COLEC10: variants seen among roughly 807,000 people sequenced by gnomAD.
COLEC10 encodes the protein collectin subfamily member 10.
Under a neutral mutation model 28.4 loss-of-function variants are expected in COLEC10, and 22 were observed. That is an observed-to-expected ratio of 0.78 (90% CI 0.55 to 1.11). The LOEUF (loss-of-function observed/expected upper bound fraction) is 1.11, where lower values mean the gene tolerates loss of function less well. Ranked by LOEUF, COLEC10 falls within the 50% of genes least tolerant of loss-of-function variation. COLEC10 has a pLI of 0.00. For missense variants in COLEC10, 361 were observed against 344.1 expected, an observed-to-expected ratio of 1.05 and a Z score of -0.39; for synonymous variants, 125 against 116.1, an observed-to-expected ratio of 1.08 and a Z score of -0.49.
intron 2 of COLEC10, among the ~76,000 whole-genome samples, chr8:119,090,351 C>T (rs1432518013): frequency 6.6e-6 from 1 of 152,108 alleles, no homozygotes; most frequent in Non-Finnish European, 1.5e-5. Flanking sequence ...CAAAATATAA[C>T]TTCTAGGTTG....
chr8:119,079,555 C>G (rs896746563), intron 1 of COLEC10, among the ~76,000 whole-genome samples: 13 of 152,080 alleles, frequency 8.5e-5, no homozygotes, highest in African/African-American at 3.1e-4. Context: ...GGAAACCTGC[C>G]TAACAAAACT....
chr8:118,979,181 C>G, the COLEC10 span, among the ~76,000 whole-genome samples: 3 of 151,760 alleles, frequency 2.0e-5, no homozygotes, highest in African/African-American at 7.3e-5. Flanking sequence ...AAAGTAAGAT[C>G]ATTTGATATT....
the COLEC10 span, among the ~76,000 whole-genome samples, chr8:118,954,353 A>G: frequency 6.6e-6 from 1 of 152,306 alleles, no homozygotes; most frequent in South Asian, 2.1e-4. Flanking sequence ...TTCATCTGTT[A>G]TATTCTTGGA....
intron 2 of COLEC10, among the ~76,000 whole-genome samples, chr8:119,016,065 T>C (rs1266395022): frequency 6.6e-6 from 1 of 152,156 alleles, no homozygotes; most frequent in Non-Finnish European, 1.5e-5. Flanking sequence ...CTGGGATACA[T>C]GTGCAGAACA....
upstream of COLEC10, among the ~76,000 whole-genome samples, chr8:118,994,516 T>G (rs1284497583): frequency 6.6e-6 from 1 of 152,194 alleles, no homozygotes; most frequent in Non-Finnish European, 1.5e-5. Flanking sequence ...CGTGTATGTT[T>G]AATACTCACA....
rs1563747020 is a variant in COLEC10, at chr8:119,107,930, A to G, written c.*1739A>G. Among the ~76,000 whole-genome samples the G allele has an allele frequency of 6.6e-6, 1 of 152,192 alleles. No individual in the cohort carries two copies. Among genetic ancestry groups the G allele is most frequent in the Non-Finnish European group, 1.5e-5 (1 of 68,022 alleles). On this transcript the variant is annotated 3_prime_UTR_variant, in exon 6 of 6. Coordinates refer to ENST00000332843, the MANE Select transcript of COLEC10 (RefSeq NM_006438.5). Reference sequence around the variant, plus strand: ...AAAATTAATTAAAATTAAAGATTTGAGGTCAAAAGTCTTCTAGCTAAAGTT... The same window carrying G: ...AAAATTAATTAAAATTAAAGATTTGGGGTCAAAAGTCTTCTAGCTAAAGTT...
In COLEC10 at chr8:119,108,089, T is replaced by C. The variant is rs1290472156; in HGVS notation, c.*1898T>C. ...ATTCAATTCAGCTTAATAATAGGAA[T>C]TTGTTATATGTTTGACATTTATCAG... On this transcript the variant is annotated 3_prime_UTR_variant, in exon 6 of 6. Transcript: ENST00000332843. Among the ~76,000 whole-genome samples, 3 of 152,274 alleles carry C rather than the reference T, an allele frequency of 2.0e-5. No individual in the cohort carries two copies. The highest frequency in any genetic ancestry group is 6.5e-5 in the Admixed American group (1 of 15,288).
At chr8:119,031,659 A>C (rs922285152) in intron 2 of COLEC10, among the ~76,000 whole-genome samples, 1 of 152,196 alleles carries the variant, frequency 6.6e-6, no homozygotes, top group Non-Finnish European at 1.5e-5. Flanking sequence ...CATTTCCAGA[A>C]TACTTTCCCA....
rs138127693 is a variant in COLEC10 at position 119,103,803 on chromosome 8, C to T, written c.350C>T (p.Thr117Ile). Residue 117 changes from threonine (T) to isoleucine (I), a missense_variant, in exon 5 of 6, where the codon ACT becomes ATT. Transcript: ENST00000332843. Reference sequence around the variant, plus strand: ...CACAGTTTTTGTCATTTAAAAGGTACTGTCTGTGATTGTGGAAGATACCGG... The same window carrying T: ...CACAGTTTTTGTCATTTAAAAGGTATTGTCTGTGATTGTGGAAGATACCGG... ...GIPGEKGKAG[T>I]VCDCGRYRKF... The T allele has an allele frequency of 1.7e-5, 27 of 1,602,560 alleles. No homozygotes were observed. The African/African-American group carries it at 2.8e-4, about 17-fold the overall frequency.
At chr8:119,054,533 C>T (rs781632054) in intron 2 of COLEC10, among the ~76,000 whole-genome samples, 20 of 152,048 alleles carry the variant, frequency 1.3e-4, no homozygotes, top group Admixed American at 5.9e-4. Flanking sequence ...GTTAGAAGAA[C>T]GGAACACAAA....
chr8:119,011,247 A>C (rs1220810723), intron 2 of COLEC10, among the ~76,000 whole-genome samples: 1 of 150,828 alleles, frequency 6.6e-6, no homozygotes, highest in Non-Finnish European at 1.5e-5. Flanking sequence ...TATTTTCTCC[A>C]TTGTATTGCT....
intron 1 of COLEC10, among the ~76,000 whole-genome samples, chr8:119,072,046 G>A (rs956435294): frequency 6.6e-6 from 1 of 152,220 alleles, no homozygotes; most frequent in Admixed American, 6.5e-5. Context: ...TGCTTCCCAG[G>A]TGCCTCTGTC....
intron 2 of COLEC10, among the ~76,000 whole-genome samples, chr8:119,026,884 C>G (rs1451942392): frequency 1.3e-5 from 2 of 152,112 alleles, no homozygotes; most frequent in Non-Finnish European, 2.9e-5. Context: ...TGGCTGTAGG[C>G]TGCCCCTGGG....
At chr8:118,985,709 TAAAG>T in the COLEC10 span, among the ~76,000 whole-genome samples, 11 of 151,788 alleles carry the variant, frequency 7.2e-5, no homozygotes, top group African/African-American at 1.5e-4. Context: ...AAGAAAGAGA[TAAAG>T]AAAATCAGTG....
chr8:119,002,766 T>C (rs1351261094), intron 1 of COLEC10, among the ~76,000 whole-genome samples: 1 of 152,144 alleles, frequency 6.6e-6, no homozygotes, highest in African/African-American at 2.4e-5. Context: ...GAAAACAGGA[T>C]TGCATGGTTC....
At chr8:119,098,760 A>G (rs1336811928) in intron 3 of COLEC10, among the ~76,000 whole-genome samples, 2 of 152,076 alleles carry the variant, frequency 1.3e-5, no homozygotes, top group East Asian at 3.8e-4. Flanking sequence ...TTCCACCATT[A>G]GCTATTAAGA....
chr8:119,084,181 A>G (rs1424920287), intron 1 of COLEC10, among the ~76,000 whole-genome samples: 1 of 152,214 alleles, frequency 6.6e-6, no homozygotes. Context: ...GAGACTCTAG[A>G]ACAGGTAAGC....
At chr8:119,053,752 TC>T (rs1397467950) in intron 2 of COLEC10, among the ~76,000 whole-genome samples, 59 of 152,038 alleles carry the variant, frequency 3.9e-4, no homozygotes, top group African/African-American at 1.3e-3. Context: ...TACAAAATAA[TC>T]TTCATTCTTT....
In COLEC10 at chr8:119,078,733, C is replaced by T. The variant is rs1815305096; in HGVS notation, c.149-10947C>T. ...TTATCAAAGAGGATACTACAGTTCTCACAGATACCTGAGATGTTCATAGAC... is the reference window on the plus strand; with the variant it reads ...TTATCAAAGAGGATACTACAGTTCTTACAGATACCTGAGATGTTCATAGAC... On this transcript the variant is annotated intron_variant, in intron 1 of 5. Coordinates refer to ENST00000332843, the MANE Select transcript of COLEC10 (RefSeq NM_006438.5). 1.3e-5 allele frequency among the ~76,000 whole-genome samples: 2 copies of T among 152,102 alleles called. 1 individual carries two copies. The highest frequency in any genetic ancestry group is 4.1e-4 in the South Asian group (2 of 4,836).
Sources: gnomAD v4.1 joint callset for allele counts (sites outside exome capture counted in the v4.1 genomes callset) on GRCh38, gnomAD v4.1.1 for gene constraint, MANE v1.5 for transcripts, NCBI Gene and HGNC (gene_info 2026-07-23, HGNC 2026-07-21) for gene names.